DCAF1: variants seen among roughly 807,000 people sequenced by gnomAD.
DCAF1 encodes DDB1 and CUL4 associated factor 1, also known as DDB1- and CUL4-associated factor 1.
Under a neutral mutation model 128.0 loss-of-function variants are expected in DCAF1, and 15 were observed. The ratio of observed to expected loss-of-function variants is 0.12; its 90% CI spans 0.08 to 0.18. The LOEUF is 0.18. Ranked by LOEUF, DCAF1 falls within the 10% of genes least tolerant of loss-of-function variation. The probability of loss-of-function intolerance (pLI) is 1.00; values close to 1 mark genes in which losing one functional copy is unlikely to be tolerated. For synonymous variants in DCAF1, 610 were observed against 603.0 expected (o/e 1.01, Z -0.17); for missense variants, 988 against 1,649.5 (o/e 0.60, Z 6.95).
intron 9 of DCAF1, among the ~76,000 whole-genome samples, chr3:51,436,743 A>G (rs551968654): frequency 6.6e-6 from 1 of 152,342 alleles, no homozygotes; most frequent in Admixed American, 6.5e-5. Context: ...TTAGAAGCCC[A>G]AAGTCAGTGA....
At chr3:51,480,687 C>T (rs564787305) in intron 3 of DCAF1, among the ~76,000 whole-genome samples, 2 of 151,620 alleles carry the variant, frequency 1.3e-5, no homozygotes, top group African/African-American at 4.8e-5. Flanking sequence ...TTTTTCTCAT[C>T]CTGTGGGGCT....
At position 51,420,002 on chromosome 3, in the gene DCAF1, T is replaced by C; in HGVS notation, c.2968A>G (p.Ile990Val). 6.2e-7 allele frequency: 1 copy of C among 1,614,034 alleles called. No individual in the cohort carries two copies. The highest frequency in any genetic ancestry group is 8.5e-7 in the Non-Finnish European group (1 of 1,179,890). ...DHGAYSQSPA[I>V]KKQLDRHLPS... ...AGATGTCTGTCCAGCTGTTTTTTTA[T>C]GGCTGGGCTTTGGCTGTAGGCACCA... is the stretch of plus-strand genomic sequence containing the variant. The change falls in exon 15 of 25, where the codon ATA (isoleucine) becomes GTA (valine). Residue 990 changes from isoleucine (I) to valine (V), a missense_variant. Ile to Val is a conservative substitution (Grantham distance 29). Around this residue, in one of 11 missense-constraint regions of DCAF1, gnomAD observed 105 missense variants for 266.7 expected, o/e 0.39. Coordinates refer to ENST00000684031, the MANE Select transcript of DCAF1 (RefSeq NM_001387579.1). The surrounding 1 kb of genome is among the most constrained non-coding windows in gnomAD (Gnocchi z 6.5).
In DCAF1 at chr3:51,407,984, C is replaced by CAAAAAAAAAA. The variant is rs59224025; in HGVS notation, c.4212+4385_4212+4394dup. Among the ~76,000 whole-genome samples the CAAAAAAAAAA allele has an allele frequency of 1.5e-3, 79 of 52,522 alleles. 7 individuals carry two copies. Among genetic ancestry groups the CAAAAAAAAAA allele is most frequent in the Middle Eastern group, 0.024 (1 of 42 alleles). 34.5% of individuals were successfully genotyped at this position (52,522 alleles called of 152,430 possible). On this transcript the variant is annotated intron_variant, in intron 23 of 24. Coordinates refer to ENST00000684031, the MANE Select transcript of DCAF1 (RefSeq NM_001387579.1). ...TGGGTGACAGGGCGAGACTCCATCT[C>CAAAAAAAAAA]AAAAAAAAAAAAAAAAAAAAAAAAA...
At chr3:51,407,014 T>C (rs1179468742) in intron 23 of DCAF1, among the ~76,000 whole-genome samples, 2 of 152,134 alleles carry the variant, frequency 1.3e-5, no homozygotes, top group Non-Finnish European at 2.9e-5. Context: ...GGCAACAGGG[T>C]GAAACCTCGT....
intron 3 of DCAF1, among the ~76,000 whole-genome samples, chr3:51,473,104 C>T (rs1704955834): frequency 2.0e-5 from 3 of 150,762 alleles, no homozygotes; most frequent in South Asian, 4.2e-4. Flanking sequence ...TGGAGAAACC[C>T]CATCTCTACT....
At chr3:51,474,359 G>A (rs1043770843) in intron 3 of DCAF1, among the ~76,000 whole-genome samples, 6 of 152,158 alleles carry the variant, frequency 3.9e-5, no homozygotes, top group South Asian at 2.1e-4. Context: ...GGCGGAGGTC[G>A]CGGTGAGCCG....
At chr3:51,503,235 G>A (rs920145908), upstream of DCAF1, among the ~76,000 whole-genome samples, 1 of 152,076 alleles carries the variant, frequency 6.6e-6, no homozygotes, top group Non-Finnish European at 1.5e-5. Context: ...GCAGAGAAAA[G>A]GTAAGAAGAG....
chr3:51,450,073 T>G (rs1182117139), intron 6 of DCAF1, among the ~76,000 whole-genome samples: 2 of 152,212 alleles, frequency 1.3e-5, no homozygotes, highest in African/African-American at 4.8e-5. Flanking sequence ...AAGCCGGGTA[T>G]GGCGGCTTAT....
intron 7 of DCAF1, 82 bp downstream of exon 7, chr3:51,443,684 T>C (rs1483715952): frequency 3.3e-6 from 4 of 1,224,126 alleles, no homozygotes; most frequent in Non-Finnish European, 3.3e-6. Flanking sequence ...ATCAATATGA[T>C]CTACTTATTC....
chr3:51,503,775 G>T (rs1456631105), upstream of DCAF1, among the ~76,000 whole-genome samples: 1 of 152,280 alleles, frequency 6.6e-6, no homozygotes, highest in South Asian at 2.1e-4. Flanking sequence ...ATTTCCCAAA[G>T]GGTGTGTAAT....
intron 2 of DCAF1, among the ~76,000 whole-genome samples, chr3:51,495,969 G>C (rs1708190553): frequency 6.6e-6 from 1 of 150,482 alleles, no homozygotes; most frequent in Non-Finnish European, 1.5e-5. Flanking sequence ...ACTCCAGCCA[G>C]AGCAAAAGTG....
In DCAF1 at chr3:51,497,250, G is replaced by A. The variant is rs781875516; in HGVS notation, c.-55-470C>T. Among the ~76,000 whole-genome samples the A allele has an allele frequency of 4.6e-5, 7 of 152,102 alleles. No individual in the cohort carries two copies. The East Asian group carries it at 7.7e-4, about 17-fold the overall frequency. On this transcript the variant is annotated intron_variant, in intron 1 of 24. Transcript: ENST00000684031. ...GCAGAGGTTACAGTGGGCAAAGATC[G>A]CACCACTGCACTCCAGGCTAGGTGA...
chr3:51,441,610 G>T lies in DCAF1; in HGVS notation c.801C>A (p.Asn267Lys), dbSNP rs781918836. Residue 267 changes from asparagine to lysine, a missense_variant, in exon 8 of 25, where the codon AAC (asparagine) becomes AAA (lysine). Asn to Lys is a moderately conservative substitution (Grantham distance 94, BLOSUM62 0). This residue lies in a region of DCAF1 where 210 missense variants were observed against 260.2 expected (regional missense o/e 0.81). Transcript: ENST00000684031. ...TKPEDGGLKKNKSAKQGDREN... is the reference protein window; with the variant it reads ...TKPEDGGLKKKKSAKQGDREN... ...CTCTGTCACCCTGTTTTGCTGACTT[G>T]TTTTTCTTTAATCCTCCATCCTCAG... is the stretch of plus-strand genomic sequence containing the variant. The T allele has an allele frequency of 6.2e-6, 10 of 1,613,950 alleles. No homozygotes were observed. The highest frequency in any genetic ancestry group is 8.5e-6 in the Non-Finnish European group (10 of 1,179,880).
At position 51,437,266 on chromosome 3, in the gene DCAF1, C is replaced by CAAAAAAAA. The variant is rs71633071; in HGVS notation, c.1128+3696_1128+3703dup. ...CCAGGTGACAGATAAGACTCCATGT[C>CAAAAAAAA]AAAAAAAAAAAAAAAAAAAAAAAAG... On this transcript the variant is annotated intron_variant, in intron 9 of 24. Transcript: ENST00000684031. 1.5e-3 allele frequency: 385 copies of CAAAAAAAA among 255,966 alleles called. 2 individuals carry two copies. Among genetic ancestry groups the CAAAAAAAA allele is most frequent in the African/African-American group, 2.3e-3 (48 of 20,882 alleles). The allele number at this position is 255,966 out of a possible 1,614,324, so 15.9% of individuals were successfully genotyped here. A position where few individuals can be genotyped will look rare whatever the true frequency, so the allele number is the denominator to read the frequency against.
At chr3:51,473,391 A>G (rs1705003761) in intron 3 of DCAF1, among the ~76,000 whole-genome samples, 1 of 134,330 alleles carries the variant, frequency 7.4e-6, no homozygotes, top group African/African-American at 2.8e-5. Context: ...AAACTCTCCT[A>G]TGTGCTTATT....
intron 5 of DCAF1, among the ~76,000 whole-genome samples, chr3:51,464,367 T>A (rs1703917393): frequency 6.6e-6 from 1 of 152,042 alleles, no homozygotes; most frequent in Non-Finnish European, 1.5e-5. Context: ...CATATAACAG[T>A]AAATAATTAT....
intron 3 of DCAF1, 93 bp downstream of exon 3, chr3:51,483,625 GT>G: frequency 6.2e-6 from 5 of 804,910 alleles, no homozygotes; most frequent in Non-Finnish European, 1.1e-5. Context: ...GTGTGTGTGT[GT>G]GTGTGTGTGT....
intron 6 of DCAF1, among the ~76,000 whole-genome samples, chr3:51,450,551 A>C (rs578208482): frequency 3.9e-5 from 6 of 152,378 alleles, no homozygotes; most frequent in Admixed American, 2.0e-4. Flanking sequence ...CTAGAAGGAA[A>C]CATCAGCATA....
rs1346666358 is a variant in DCAF1, at chr3:51,420,797, T to C, written c.2173A>G (p.Met725Val). 1 of 1,614,018 alleles carries C rather than the reference T, an allele frequency of 6.2e-7. No individual in the cohort carries two copies. Among genetic ancestry groups the C allele is most frequent in the East Asian group, 2.2e-5 (1 of 44,882 alleles). Reference protein sequence around the residue: ...PKSSEHTLAKMWNVVQSNNGI... With the variant: ...PKSSEHTLAKVWNVVQSNNGI... Reference sequence around the variant, plus strand: ...TTGTTGGACTGAACCACATTCCACATCTTGGCCAGGGTGTGCTCACTGCTT... The same window carrying C: ...TTGTTGGACTGAACCACATTCCACACCTTGGCCAGGGTGTGCTCACTGCTT... Residue 725 changes from methionine to valine, a missense_variant, in exon 15 of 25, where the codon ATG becomes GTG. Met to Val is a conservative substitution (Grantham distance 21). Coordinates refer to ENST00000684031, the MANE Select transcript of DCAF1 (RefSeq NM_001387579.1). The surrounding 1 kb of genome is among the most constrained non-coding windows in gnomAD (Gnocchi z 6.5).
Sources: allele counts gnomAD v4.1 joint callset (sites outside exome capture counted in the v4.1 genomes callset), GRCh38; gene constraint gnomAD v4.1.1; regional missense constraint gnomAD v4.1.1; non-coding constraint Gnocchi (gnomAD v3.1); transcripts MANE v1.5; gene names NCBI Gene and HGNC (gene_info 2026-07-23, HGNC 2026-07-21).